Variants in HMCN1 observed in about 807,000 individuals in gnomAD.
The protein encoded by HMCN1 is hemicentin 1.
A neutral mutation model predicts 625.9 loss-of-function variants in HMCN1; 321 were observed. The observed-to-expected ratio is 0.51, with a 90% CI of 0.47 to 0.56. HMCN1 has a LOEUF of 0.56. Ranked by LOEUF, HMCN1 falls within the 20% of genes least tolerant of loss-of-function variation. The pLI, the probability that HMCN1 is intolerant of heterozygous loss-of-function variation, is 0.00. For synonymous variants in HMCN1, 2,425 were observed against 2,417.6 expected, an observed-to-expected ratio of 1.00 and a Z score of -0.09; for missense variants, 6,588 against 6,887.3, an observed-to-expected ratio of 0.96 and a Z score of 1.54.
At chr1:185,810,716 AC>A (rs1478980306) in intron 1 of HMCN1, among the ~76,000 whole-genome samples, 1 of 151,918 alleles carries the variant, frequency 6.6e-6, no homozygotes, top group Non-Finnish European at 1.5e-5. Context: ...ACACAGGAAG[AC>A]CATAAATTCT....
chr1:186,095,244 A>G lies in HMCN1; in HGVS notation c.10296A>G (p.Ala3432=), dbSNP rs1660068072. The change falls in exon 68 of 107, where the codon GCA becomes GCG. Residue 3432 remains alanine, a splice_region_variant and synonymous_variant. Coordinates refer to ENST00000271588, the MANE Select transcript of HMCN1 (RefSeq NM_031935.3). ...TTGCCCATGTTGTTTTCTATGTAGC[A>G]CCACCAAATATGGACAATTCAATGG... The part of the protein sequence containing the change: ...DNKHYNLQVF[A]PPNMDNSMGT... 2 of 1,613,566 alleles carry G rather than the reference A, an allele frequency of 1.2e-6. No individual in the cohort carries two copies. Among genetic ancestry groups the G allele is most frequent in the South Asian group, 2.2e-5 (2 of 91,090 alleles).
chr1:186,103,411 C>G, intron 68 of HMCN1, 61 bp from the exon 69 acceptor site: 1 of 1,418,158 alleles, frequency 7.1e-7, no homozygotes, highest in African/African-American at 1.4e-5. Context: ...TCAAGTTTTT[C>G]TAACGAGCAA....
intron 97 of HMCN1, 38 bp downstream of exon 97, chr1:186,154,025 C>A: frequency 6.5e-7 from 1 of 1,532,990 alleles, no homozygotes; most frequent in Non-Finnish European, 9.0e-7. Context: ...TTTATGCCAT[C>A]CAGTCTAAAG....
At chr1:186,144,408 G>A in intron 90 of HMCN1, 65 bp downstream of exon 90, 2 of 1,598,860 alleles carry the variant, frequency 1.3e-6, no homozygotes. Context: ...TAGGTAGTAT[G>A]TCAACAAGAA....
chr1:186,146,946 T>C (rs1654341324), intron 93 of HMCN1, among the ~76,000 whole-genome samples: 1 of 152,166 alleles, frequency 6.6e-6, no homozygotes, highest in Non-Finnish European at 1.5e-5. Flanking sequence ...TCTGTGAGAC[T>C]AGAGAACCAG....
rs569970097 is a variant in HMCN1, at chr1:186,078,690, G to T, written c.8599+470G>T. ...TTTTCTCCTAGTATTTACAATTGAA[G>T]CCCTAGAATTGAATTTCCGTGGTTT... On this transcript the variant is annotated intron_variant, in intron 55 of 106. Transcript: ENST00000271588. 2.0e-5 allele frequency among the ~76,000 whole-genome samples: 3 copies of T among 152,246 alleles called. No individual in the cohort carries two copies. The South Asian group carries it at 6.2e-4, about 32-fold the overall frequency.
intron 4 of HMCN1, among the ~76,000 whole-genome samples, chr1:185,885,483 T>G (rs1664587777): frequency 6.6e-6 from 1 of 152,044 alleles, no homozygotes; most frequent in Non-Finnish European, 1.5e-5. Flanking sequence ...TTATTACCTG[T>G]GTTAAAAATT....
At chr1:186,037,628 A>AAATC (rs1217985919) in intron 36 of HMCN1, among the ~76,000 whole-genome samples, 25 of 152,312 alleles carry the variant, frequency 1.6e-4, no homozygotes, top group African/African-American at 5.3e-4. Context: ...ATTACTTACC[A>AAATC]AATCAATCAG....
At chr1:185,819,577 A>G (rs1210921141) in intron 1 of HMCN1, among the ~76,000 whole-genome samples, 1 of 152,002 alleles carries the variant, frequency 6.6e-6, no homozygotes, top group Non-Finnish European at 1.5e-5. Context: ...CAAATTGGCC[A>G]GTTATTCTTG....
chr1:185,983,470 A>C (rs749024735), intron 18 of HMCN1, among the ~76,000 whole-genome samples: 2 of 152,224 alleles, frequency 1.3e-5, no homozygotes, highest in African/African-American at 4.8e-5. Flanking sequence ...AATTGACTCC[A>C]TCTAAGAAAA....
intron 30 of HMCN1, among the ~76,000 whole-genome samples, chr1:186,012,809 CTG>C (rs1654090259): frequency 6.6e-6 from 1 of 151,994 alleles, no homozygotes; most frequent in Non-Finnish European, 1.5e-5. Flanking sequence ...ATTTTTCAAA[CTG>C]TTGATTTTGA....
At chr1:186,121,670 T>C (rs1354658454) in intron 80 of HMCN1, among the ~76,000 whole-genome samples, 1 of 152,118 alleles carries the variant, frequency 6.6e-6, no homozygotes, top group African/African-American at 2.4e-5. Context: ...CTAGTGGAGA[T>C]GTCAAGTAGA....
intron 11 of HMCN1, among the ~76,000 whole-genome samples, chr1:185,960,616 A>G (rs1316300976): frequency 2.6e-5 from 4 of 152,104 alleles, no homozygotes; most frequent in Non-Finnish European, 5.9e-5. Flanking sequence ...TTTTACTTTG[A>G]TATCTGAAAT....
At chr1:186,022,950 T>C in intron 35 of HMCN1, 80 bp from the exon 36 acceptor site, 1 of 1,366,034 alleles carries the variant, frequency 7.3e-7, no homozygotes, top group Non-Finnish European at 1.0e-6. Context: ...TAAATTTAAA[T>C]GAATTTTTCT....
At chr1:185,871,735 G>C (rs1663632447) in intron 4 of HMCN1, among the ~76,000 whole-genome samples, 1 of 151,102 alleles carries the variant, frequency 6.6e-6, no homozygotes, top group South Asian at 2.1e-4. Flanking sequence ...TTTTTTCCCT[G>C]AGTTCAATAC....
At chr1:186,066,223 A>G (rs905367345) in intron 49 of HMCN1, among the ~76,000 whole-genome samples, 6 of 152,166 alleles carry the variant, frequency 3.9e-5, no homozygotes, top group Non-Finnish European at 8.8e-5. Context: ...AAACTTATAA[A>G]TGTCATAAGT....
At chr1:185,875,170 G>A (rs1356312711) in intron 4 of HMCN1, among the ~76,000 whole-genome samples, 3 of 151,804 alleles carry the variant, frequency 2.0e-5, no homozygotes, top group Non-Finnish European at 4.4e-5. Context: ...GTTGATAATG[G>A]CAATCACTGG....
intron 41 of HMCN1, among the ~76,000 whole-genome samples, chr1:186,046,476 A>C (rs1246016491): frequency 3.3e-5 from 5 of 151,360 alleles, no homozygotes; most frequent in East Asian, 1.9e-4. Context: ...CAAACAACAA[A>C]AAAAAAAATG....
At chr1:185,964,662 C>G (rs1004301373) in intron 13 of HMCN1, among the ~76,000 whole-genome samples, 1 of 151,934 alleles carries the variant, frequency 6.6e-6, no homozygotes, top group Non-Finnish European at 1.5e-5. Context: ...TGGATATATA[C>G]GGAAATATAA....
Sources: gnomAD v4.1 joint callset for allele counts (sites outside exome capture counted in the v4.1 genomes callset) on GRCh38, gnomAD v4.1.1 for gene constraint, MANE v1.5 for transcripts, NCBI Gene and HGNC (gene_info 2026-07-23, HGNC 2026-07-21) for gene names.